SMARCAD1: variants seen among roughly 807,000 people sequenced by gnomAD.
SMARCAD1 encodes the protein SNF2 related chromatin remodeling ATPase with DExD box 1, also known as SWI/SNF-related matrix-associated actin-dependent regulator of chromatin subfamily A containing DEAD/H box 1.
Under a neutral mutation model 127.1 loss-of-function variants are expected in SMARCAD1, and 25 were observed. The observed-to-expected ratio is 0.20, with a 90% CI of 0.14 to 0.27. The LOEUF is 0.27. SMARCAD1 is among the 10% of genes least tolerant of loss of function. SMARCAD1 has a pLI of 1.00. For missense variants in SMARCAD1, 807 were observed against 1,206.0 expected, an observed-to-expected ratio of 0.67 and a Z score of 4.90; for synonymous variants, 400 against 396.9, an observed-to-expected ratio of 1.01 and a Z score of -0.09.
Position 94,234,022 on chromosome 4 carries a change from C to T in SMARCAD1, c.437C>T (p.Ser146Leu). The change falls in exon 4 of 24, where the codon TCA becomes TTA. Residue 146 changes from serine to leucine, a missense_variant. By Grantham distance (145) the Ser-to-Leu change is moderately radical. Coordinates refer to ENST00000354268, the MANE Select transcript of SMARCAD1 (RefSeq NM_020159.5). ...ATGGCACGTAGAAATGATGATATTT[C>T]AGAACTGGAAGACCTTTCGGAATTG... ...PTMARRNDDISELEDLSELED... is the reference protein window; with the variant it reads ...PTMARRNDDILELEDLSELED... 6.2e-7 allele frequency: 1 copy of T among 1,613,730 alleles called. No homozygotes were observed. Among genetic ancestry groups the T allele is most frequent in the Non-Finnish European group, 8.5e-7 (1 of 1,179,834 alleles).
intron 21 of SMARCAD1, among the ~76,000 whole-genome samples, chr4:94,282,100 G>GTTTTT (rs70946518): frequency 0.074 from 5,556 of 74,884 alleles, 1,009 homozygotes; most frequent in Non-Finnish European, 0.092. Flanking sequence ...ACGTTTTTTT[G>GTTTTT]TTTTTTTTTT....
At chr4:94,266,680 T>A (rs1275501679) in intron 10 of SMARCAD1, among the ~76,000 whole-genome samples, 2 of 152,128 alleles carry the variant, frequency 1.3e-5, no homozygotes, top group Non-Finnish European at 2.9e-5. Context: ...AAGGATTTAT[T>A]AGCACAGAGG....
intron 2 of SMARCAD1, among the ~76,000 whole-genome samples, chr4:94,210,929 CAAA>C (rs747690168): frequency 5.3e-5 from 3 of 57,050 alleles, no homozygotes; most frequent in Non-Finnish European, 5.8e-5. Context: ...GACTGTATCT[CAAA>C]AAAAAAAAAA....
chr4:94,290,699 C>T lies in SMARCAD1; in HGVS notation c.*1165C>T, dbSNP rs2126026337. Reference sequence around the variant, plus strand: ...CTTTATTAAATCTTTCTTTAAATTTCTGCCTGTCAGTCTATATTGCTGTTT... The same window carrying T: ...CTTTATTAAATCTTTCTTTAAATTTTTGCCTGTCAGTCTATATTGCTGTTT... On this transcript the variant is annotated 3_prime_UTR_variant, in exon 24 of 24. Transcript: ENST00000354268. 1 of 444,204 alleles carries T rather than the reference C, an allele frequency of 2.3e-6. No homozygotes were observed. Among genetic ancestry groups the T allele is most frequent in the South Asian group, 1.6e-5 (1 of 61,604 alleles). 27.5% of individuals were successfully genotyped at this position (444,204 alleles called of 1,614,324 possible).
At chr4:94,255,374 G>C (rs1171726733) in intron 9 of SMARCAD1, among the ~76,000 whole-genome samples, 2 of 152,056 alleles carry the variant, frequency 1.3e-5, no homozygotes, top group South Asian at 2.1e-4. Context: ...TTTGTTAAAA[G>C]TGAGGTTTCT....
At chr4:94,248,736 A>G (rs956808112) in intron 6 of SMARCAD1, among the ~76,000 whole-genome samples, 3 of 152,156 alleles carry the variant, frequency 2.0e-5, no homozygotes, top group Non-Finnish European at 4.4e-5. Flanking sequence ...TCTTTAGTCC[A>G]GATATCCATA....
chr4:94,257,681 C>T (rs1750315728), intron 9 of SMARCAD1, among the ~76,000 whole-genome samples: 1 of 151,950 alleles, frequency 6.6e-6, no homozygotes, highest in African/African-American at 2.4e-5. Flanking sequence ...TGTTCTCCGC[C>T]CCCACAAAAA....
At chr4:94,282,855 A>T (rs1404542128) in intron 21 of SMARCAD1, among the ~76,000 whole-genome samples, 2 of 152,170 alleles carry the variant, frequency 1.3e-5, no homozygotes, top group Non-Finnish European at 2.9e-5. Context: ...CCACAAGTTT[A>T]AAAAGGACAA....
intron 14 of SMARCAD1, 33 bp from the exon 15 acceptor site, chr4:94,276,306 T>TA (rs763150804): frequency 1.2e-6 from 2 of 1,612,766 alleles, no homozygotes; most frequent in Admixed American, 3.3e-5. Context: ...CTTAAAGGTA[T>TA]AACCTTAGAG....
At chr4:94,229,201 A>G (rs770643417) in intron 3 of SMARCAD1, among the ~76,000 whole-genome samples, 1 of 152,176 alleles carries the variant, frequency 6.6e-6, no homozygotes, top group Non-Finnish European at 1.5e-5. Context: ...TAATAGTCCT[A>G]TTCGCTAGCC....
At chr4:94,232,947 A>C (rs1746073399) in intron 3 of SMARCAD1, among the ~76,000 whole-genome samples, 1 of 152,162 alleles carries the variant, frequency 6.6e-6, no homozygotes, top group African/African-American at 2.4e-5. Context: ...ACCACTGCAC[A>C]CCAGTCTGGG....
intron 17 of SMARCAD1, 31 bp from the exon 18 acceptor site, chr4:94,278,585 T>C: frequency 6.2e-7 from 1 of 1,612,444 alleles, no homozygotes; most frequent in Middle Eastern, 1.7e-4. Context: ...TTTACTAGAA[T>C]GATTATCTTA....
At chr4:94,208,301 ATTGTT>A in intron 1 of SMARCAD1, 40 bp from the exon 2 acceptor site, 1 of 1,326,178 alleles carries the variant, frequency 7.5e-7, no homozygotes, top group Non-Finnish European at 1.1e-6. Context: ...TGTATCGTAT[ATTGTT>A]TTCATGGCCT....
chr4:94,229,883 C>G (rs375673291), intron 3 of SMARCAD1, among the ~76,000 whole-genome samples: 3 of 150,758 alleles, frequency 2.0e-5, no homozygotes, highest in East Asian at 3.9e-4. Context: ...GCCTCTCATT[C>G]TGTTTTCTTC....
At chr4:94,235,110 A>G (rs377549212) in intron 4 of SMARCAD1, among the ~76,000 whole-genome samples, 4 of 152,020 alleles carry the variant, frequency 2.6e-5, no homozygotes, top group East Asian at 3.9e-4. Context: ...AAAATATACA[A>G]TTTTGTGGTT....
intron 5 of SMARCAD1, among the ~76,000 whole-genome samples, chr4:94,237,458 TA>T (rs1746846055): frequency 1.3e-5 from 2 of 151,484 alleles, no homozygotes; most frequent in African/African-American, 4.9e-5. Flanking sequence ...GTCCAGTTTT[TA>T]AATAAATGCT....
At chr4:94,287,106 C>T (rs916940041) in intron 23 of SMARCAD1, among the ~76,000 whole-genome samples, 1 of 152,094 alleles carries the variant, frequency 6.6e-6, no homozygotes, top group African/African-American at 2.4e-5. Flanking sequence ...CCTCGTGAGC[C>T]ACCGCGCCTG....
intron 17 of SMARCAD1, 28 bp downstream of exon 17, chr4:94,278,545 TTTA>T (rs1753606392): frequency 1.2e-6 from 2 of 1,608,986 alleles, no homozygotes; most frequent in Non-Finnish European, 1.7e-6. Context: ...GTTTTTTATT[TTTA>T]TTGTTTTTAA....
intron 21 of SMARCAD1, 108 bp downstream of exon 21, chr4:94,281,698 A>G (rs1266366176): frequency 1.3e-6 from 1 of 767,454 alleles, no homozygotes; most frequent in East Asian, 2.7e-5. Flanking sequence ...TTTATGTTTG[A>G]TTACTTCAAA....
Sources: gnomAD v4.1 joint callset for allele counts (sites outside exome capture counted in the v4.1 genomes callset) on GRCh38, gnomAD v4.1.1 for gene constraint, MANE v1.5 for transcripts, NCBI Gene and HGNC (gene_info 2026-07-23, HGNC 2026-07-21) for gene names.